Variants in CPLX1 observed in about 807,000 individuals in gnomAD.
CPLX1 encodes the protein complexin 1, also known as complexin-1.
A neutral mutation model predicts 15.6 loss-of-function variants in CPLX1; 6 were observed. That is an observed-to-expected ratio of 0.39 (90% CI 0.21 to 0.76). The LOEUF is 0.76. CPLX1 is among the 30% of genes least tolerant of loss of function. The pLI, the probability that CPLX1 is intolerant of heterozygous loss-of-function variation, is 0.43. For synonymous variants in CPLX1, 91 were observed against 75.2 expected, an observed-to-expected ratio of 1.21 and a Z score of -1.08; for missense variants, 242 against 188.6, an observed-to-expected ratio of 1.28 and a Z score of -1.66.
At chr4:788,566 G>C in intron 3 of CPLX1, 14 of 985,424 alleles carry the variant, frequency 1.4e-5, no homozygotes, top group Non-Finnish European at 1.7e-5. Context: ...GCGACACCCA[G>C]AGGGCCCTGC....
chr4:792,950 TTG>T (rs1412111549), intron 2 of CPLX1, among the ~76,000 whole-genome samples: 1 of 152,086 alleles, frequency 6.6e-6, no homozygotes, highest in African/African-American at 2.4e-5. Flanking sequence ...GCTGTTGTGG[TTG>T]TGTTTGTGTG....
intron 2 of CPLX1, among the ~76,000 whole-genome samples, chr4:801,423 T>C (rs1746458012): frequency 6.6e-6 from 1 of 152,180 alleles, no homozygotes; most frequent in Admixed American, 6.5e-5. Flanking sequence ...CAAAAGACAT[T>C]TCACCAAAGA....
chr4:792,372 A>T lies in CPLX1; in HGVS notation c.207+61T>A, dbSNP rs557963884. ...GGGCAGCCCCTTCCACCCAGGCGGG[A>T]TCTGGGTCCCCGCTGGACTCAGGGC... On this transcript the variant is annotated intron_variant, in intron 3 of 3. Transcript: ENST00000304062. 3.1e-5 allele frequency: 43 copies of T among 1,388,590 alleles called. No individual in the cohort carries two copies. The African/African-American group carries it at 5.4e-4, about 17-fold the overall frequency. The allele number at this position is 1,388,590 out of a possible 1,614,324, so 86.0% of individuals were successfully genotyped here.
intron 3 of CPLX1, among the ~76,000 whole-genome samples, chr4:789,977 G>A (rs1746120496): frequency 1.2e-5 from 1 of 83,322 alleles, no homozygotes; most frequent in Admixed American, 1.0e-4. Context: ...AGGTGGCCAC[G>A]CCTGAAGGCA....
At chr4:814,062 CAT>C (rs1226476788) in intron 2 of CPLX1, among the ~76,000 whole-genome samples, 4 of 152,330 alleles carry the variant, frequency 2.6e-5, no homozygotes, top group East Asian at 1.9e-4. Context: ...GGCGGCCAGA[CAT>C]GTGAACTCAG....
At chr4:796,820 C>G (rs1015814180) in intron 2 of CPLX1, among the ~76,000 whole-genome samples, 11 of 152,078 alleles carry the variant, frequency 7.2e-5, no homozygotes, top group Non-Finnish European at 1.2e-4. Context: ...TGCAAAAGGC[C>G]CATTTGCCAG....
chr4:787,122 C>T, intron 3 of CPLX1: 4 of 985,426 alleles, frequency 4.1e-6, no homozygotes, highest in Non-Finnish European at 4.8e-6. Flanking sequence ...CTGCCCAGTG[C>T]CTGGTCCACG....
chr4:792,534 C>G lies in CPLX1; in HGVS notation c.106G>C (p.Glu36Gln), dbSNP rs1746214215. ...GCCTGGCGCAGCGCCTCCTGCCGCT[C>G]CTCCTCCTTCTTGGCGGCGTCTGGG... ...KDPDAAKKEE[E>Q]RQEALRQAEE... The change falls in exon 3 of 4, where the codon GAG becomes CAG. Residue 36 changes from glutamate (E) to glutamine (Q), a missense_variant. By Grantham distance (29) the Glu-to-Gln change is conservative (BLOSUM62 2). Transcript: ENST00000304062. 6.2e-7 allele frequency: 1 copy of G among 1,613,382 alleles called. No homozygotes were observed. Among genetic ancestry groups the G allele is most frequent in the Admixed American group, 1.7e-5 (1 of 59,998 alleles).
chr4:787,506 G>C, intron 3 of CPLX1: 1 of 669,378 alleles, frequency 1.5e-6, no homozygotes, highest in African/African-American at 2.0e-5. Context: ...GGATTTGAGG[G>C]GCCTCAAGTC....
At chr4:811,553 C>A (rs1746665962) in intron 2 of CPLX1, among the ~76,000 whole-genome samples, 1 of 152,188 alleles carries the variant, frequency 6.6e-6, no homozygotes, top group Non-Finnish European at 1.5e-5. Context: ...GTCTTTATTT[C>A]TCATTGCATT....
intron 2 of CPLX1, among the ~76,000 whole-genome samples, chr4:816,356 T>C (rs1170341679): frequency 1.3e-5 from 2 of 151,600 alleles, no homozygotes; most frequent in Admixed American, 1.3e-4. Context: ...GTAGCTGGGA[T>C]TACAGGCGCC....
intron 2 of CPLX1, among the ~76,000 whole-genome samples, chr4:813,233 C>G (rs2152647314): frequency 6.7e-6 from 1 of 149,470 alleles, no homozygotes; most frequent in East Asian, 2.0e-4. Flanking sequence ...CCACTGCACT[C>G]CTGCCTGGGT....
rs571691188 is a variant in CPLX1, at chr4:795,084, G to C, written c.32-2476C>G. ...GGCTGCAAAGCCACTAGGCTCAGAG[G>C]GACCCGCCGCGAACCTGGGGAGCGT... On this transcript the variant is annotated intron_variant, in intron 2 of 3. Transcript: ENST00000304062. Among the ~76,000 whole-genome samples, 311 of 152,358 alleles carry C rather than the reference G, an allele frequency of 2.0e-3. 1 individual carries two copies. Among genetic ancestry groups the C allele is most frequent in the Non-Finnish European group, 3.8e-3 (257 of 68,026 alleles).
rs1345689273 is a variant in CPLX1 at position 819,409 on chromosome 4, T to C, written c.31+5083A>G. Among the ~76,000 whole-genome samples the C allele has an allele frequency of 2.0e-5, 3 of 152,264 alleles. No individual in the cohort carries two copies. In the South Asian group the frequency reaches 6.2e-4, roughly 31 times the overall value. On this transcript the variant is annotated intron_variant, in intron 2 of 3. Coordinates refer to ENST00000304062, the MANE Select transcript of CPLX1 (RefSeq NM_006651.4). ...CTTCCAGCCTCCCAGAAATCTGGGA[T>C]AAGAGGCATCTCTGCCGAACCCAGC...
In CPLX1 at chr4:785,442, C is replaced by G. The variant is rs780255561; in HGVS notation, c.*1059G>C. The G allele has an allele frequency of 6.6e-6, 1 of 152,624 alleles. No homozygotes were observed. The highest frequency in any genetic ancestry group is 1.5e-5 in the Non-Finnish European group (1 of 68,060). 9.5% of individuals were successfully genotyped at this position (152,624 alleles called of 1,614,324 possible). ...CATTTTTGATGTGGACGAAAGGGCCCGGGGGCGAGGCGGCGCCTGTCAAGA... is the reference window on the plus strand; with the variant it reads ...CATTTTTGATGTGGACGAAAGGGCCGGGGGGCGAGGCGGCGCCTGTCAAGA... On this transcript the variant is annotated 3_prime_UTR_variant, in exon 4 of 4. Transcript: ENST00000304062.
At chr4:795,811 G>C (rs968101543) in intron 2 of CPLX1, among the ~76,000 whole-genome samples, 1 of 151,944 alleles carries the variant, frequency 6.6e-6, no homozygotes, top group Non-Finnish European at 1.5e-5. Context: ...GGGGTGGGGG[G>C]GGGGTGCAGA....
chr4:817,514 G>T (rs1421804531), intron 2 of CPLX1, among the ~76,000 whole-genome samples: 1 of 151,572 alleles, frequency 6.6e-6, no homozygotes, highest in East Asian at 1.9e-4. Context: ...CTGAGATTGC[G>T]CCACTGCACT....
intron 2 of CPLX1, among the ~76,000 whole-genome samples, chr4:796,174 C>T (rs1478462910): frequency 6.6e-6 from 1 of 152,198 alleles, no homozygotes; most frequent in Non-Finnish European, 1.5e-5. Context: ...GTAAATACTA[C>T]ATCCATTAAA....
rs1274093809 is a variant in CPLX1 at position 785,545 on chromosome 4, G to C, written c.*956C>G. The C allele has an allele frequency of 6.6e-6, 1 of 152,500 alleles. No homozygotes were observed. Among genetic ancestry groups the C allele is most frequent in the Non-Finnish European group, 1.5e-5 (1 of 68,054 alleles). The allele number at this position is 152,500 out of a possible 1,614,324, so 9.4% of individuals were successfully genotyped here. ...ATGCAAATTAAACATGAATGGAGGA[G>C]AAACAGGGGCTCGGATGCCGCCCCG... On this transcript the variant is annotated 3_prime_UTR_variant, in exon 4 of 4. Coordinates refer to ENST00000304062, the MANE Select transcript of CPLX1 (RefSeq NM_006651.4).
Sources: allele counts gnomAD v4.1 joint callset (sites outside exome capture counted in the v4.1 genomes callset), GRCh38; gene constraint gnomAD v4.1.1; transcripts MANE v1.5; gene names NCBI Gene and HGNC (gene_info 2026-07-23, HGNC 2026-07-21).